The following DENND2B variants were observed in gnomAD, a reference collection of about 807,000 sequenced individuals.
The protein encoded by DENND2B is DENN domain containing 2B.
A neutral mutation model predicts 116.0 loss-of-function variants in DENND2B; 32 were observed. The observed-to-expected ratio is 0.28, with a 90% CI of 0.21 to 0.37. The LOEUF is 0.37. Ranked by LOEUF, DENND2B falls within the 10% of genes least tolerant of loss-of-function variation. The probability of loss-of-function intolerance (pLI) is 1.00; values close to 1 mark genes in which losing one functional copy is unlikely to be tolerated. For missense variants in DENND2B, 1,276 were observed against 1,477.7 expected, an observed-to-expected ratio of 0.86 and a Z score of 2.24; for synonymous variants, 588 against 583.9, an observed-to-expected ratio of 1.01 and a Z score of -0.10.
intron 13 of DENND2B, among the ~76,000 whole-genome samples, chr11:8,705,136 C>T (rs1478802489): frequency 6.6e-6 from 1 of 152,206 alleles, no homozygotes; most frequent in Non-Finnish European, 1.5e-5. Context: ...GTACTCTCTG[C>T]TAGCCCCTCC....
At chr11:8,719,627 AC>A (rs1297887869) in intron 4 of DENND2B, among the ~76,000 whole-genome samples, 1 of 151,988 alleles carries the variant, frequency 6.6e-6, no homozygotes, top group African/African-American at 2.4e-5. Context: ...TCTCCAGCCT[AC>A]CCCACTGTGG....
intron 3 of DENND2B, among the ~76,000 whole-genome samples, chr11:8,850,515 A>G (rs1405554664): frequency 6.6e-6 from 1 of 152,146 alleles, no homozygotes; most frequent in African/African-American, 2.4e-5. Flanking sequence ...CACCTATTAG[A>G]ATGGCTACCA....
intron 2 of DENND2B, among the ~76,000 whole-genome samples, chr11:8,859,905 C>T (rs965439660): frequency 1.3e-5 from 2 of 152,114 alleles, no homozygotes; most frequent in Non-Finnish European, 2.9e-5. Flanking sequence ...CTGGAAATTT[C>T]TCAAGCTGTA....
At position 8,708,897 on chromosome 11, in the gene DENND2B, G is replaced by A. The variant is rs370078505; in HGVS notation, c.2353-1043C>T. Among the ~76,000 whole-genome samples, 19 of 148,860 alleles carry A rather than the reference G, an allele frequency of 1.3e-4. 1 individual carries two copies. The highest frequency in any genetic ancestry group is 4.7e-4 in the African/African-American group (19 of 40,260). ...ACCCGGGAGGTGGAGGTTGCAGTGA[G>A]CCGAGATCACACCATTGTACTTCCA... On this transcript the variant is annotated intron_variant, in intron 11 of 19. Coordinates refer to ENST00000313726, the MANE Select transcript of DENND2B (RefSeq NM_213618.2).
intron 2 of DENND2B, among the ~76,000 whole-genome samples, chr11:8,880,345 C>CTCTGTGTGTGTGTG (rs2063889160): frequency 2.5e-5 from 3 of 120,552 alleles, no homozygotes; most frequent in African/African-American, 8.6e-5. Flanking sequence ...TCACTTTGAA[C>CTCTGTGTGTGTGTG]TGTGTGTGTG....
chr11:8,730,173 G>T lies in DENND2B; in HGVS notation c.1117C>A (p.Arg373=). The change falls in exon 3 of 20, where the codon CGG becomes AGG. Residue 373 remains arginine (R), a synonymous_variant. Transcript: ENST00000313726. The surrounding 1 kb of genome is among the most constrained non-coding windows in gnomAD (Gnocchi z 4.1). ...TCGAGGGAACTCTTCGATGGCAGCC[G>T]CTGGGAGCTAGGGCTATTTCCAGGG... The part of the protein sequence containing the change: ...GTPGNSPSSQ[R]LPSKSSLDPA... 1 of 1,614,102 alleles carries T rather than the reference G, an allele frequency of 6.2e-7. No individual in the cohort carries two copies.
rs543646353 is a variant in DENND2B at position 8,844,672 on chromosome 11, A to G, written c.-155-5322T>C. On this transcript the variant is annotated intron_variant, in intron 3 of 6. Coordinates refer to the DENND2B transcript ENST00000524757. ...ATATATATATTAGTATTATACATATATACATATAAATGCATAAATTTTTAA... is the reference window on the plus strand; with the variant it reads ...ATATATATATTAGTATTATACATATGTACATATAAATGCATAAATTTTTAA... Among the ~76,000 whole-genome samples, 11 of 152,196 alleles carry G rather than the reference A, an allele frequency of 7.2e-5. No individual in the cohort carries two copies. The East Asian group carries it at 1.9e-3, about 27-fold the overall frequency.
rs566397137 is a variant in DENND2B, at chr11:8,862,390, C to T, written c.-249-4954G>A. Among the ~76,000 whole-genome samples the T allele has an allele frequency of 1.7e-3, 241 of 140,570 alleles. 7 individuals carry two copies. Among genetic ancestry groups the T allele is most frequent in the Non-Finnish European group, 2.3e-4 (15 of 66,318 alleles). 92.2% of individuals were successfully genotyped at this position (140,570 alleles called of 152,430 possible). A position where few individuals can be genotyped will look rare whatever the true frequency, so the allele number is the denominator to read the frequency against. ...TGTCATCCAGGCTGGAGGTCAGTGC[C>T]ACAGTCTCGACTCACTGCAATCTCA... On this transcript the variant is annotated intron_variant, in intron 2 of 6. Transcript: ENST00000524757.
At chr11:8,813,964 T>C (rs1460534593), upstream of DENND2B, among the ~76,000 whole-genome samples, 1 of 152,172 alleles carries the variant, frequency 6.6e-6, no homozygotes, top group Non-Finnish European at 1.5e-5. Context: ...CAATCCTACC[T>C]GACCCTTCTG....
At chr11:8,855,751 T>A (rs907755228) in intron 3 of DENND2B, among the ~76,000 whole-genome samples, 2 of 152,118 alleles carry the variant, frequency 1.3e-5, no homozygotes, top group South Asian at 2.1e-4. Flanking sequence ...CCAAACTTAA[T>A]ACAAAGGAGC....
intron 1 of DENND2B, chr11:8,809,356 G>A (rs1178051713): frequency 6.6e-6 from 1 of 152,182 alleles, no homozygotes; most frequent in Non-Finnish European, 1.5e-5. Flanking sequence ...GAAAGTTCAA[G>A]AAGAAAAACT....
intron 1 of DENND2B, among the ~76,000 whole-genome samples, chr11:8,760,833 T>A (rs1423696681): frequency 6.6e-6 from 1 of 152,154 alleles, no homozygotes; most frequent in Non-Finnish European, 1.5e-5. Flanking sequence ...GGAACCAACA[T>A]TTGTTTTGCT....
chr11:8,901,229 CT>C (rs1555223231), intron 1 of DENND2B, among the ~76,000 whole-genome samples: 3 of 83,918 alleles, frequency 3.6e-5, no homozygotes, highest in African/African-American at 1.4e-4. Flanking sequence ...CTTTTCTTTT[CT>C]TTTTTTTTTT....
intron 2 of DENND2B, among the ~76,000 whole-genome samples, chr11:8,862,851 G>A (rs2063444370): frequency 1.3e-5 from 2 of 152,126 alleles, no homozygotes; most frequent in Admixed American, 1.3e-4. Context: ...CAGAAATAGT[G>A]ACAAATACAT....
chr11:8,776,181 CACACA>C (rs1565923919), intron 1 of DENND2B: 23 of 455,522 alleles, frequency 5.0e-5, no homozygotes, highest in Admixed American at 2.6e-4. Flanking sequence ...CACACACACA[CACACA>C]CCTACCTCTC....
chr11:8,869,053 C>A (rs1794419399), intron 2 of DENND2B, among the ~76,000 whole-genome samples: 1 of 152,206 alleles, frequency 6.6e-6, no homozygotes, highest in South Asian at 2.1e-4. Flanking sequence ...CCAGGCGATT[C>A]TTCTTCCAGT....
chr11:8,890,933 T>A (rs1284766559), intron 1 of DENND2B, among the ~76,000 whole-genome samples: 1 of 151,958 alleles, frequency 6.6e-6, no homozygotes, highest in Non-Finnish European at 1.5e-5. Context: ...CCAAGACACA[T>A]AATTGTCAGA....
intron 2 of DENND2B, among the ~76,000 whole-genome samples, chr11:8,743,927 G>A (rs937294925): frequency 6.0e-4 from 90 of 150,664 alleles, no homozygotes; most frequent in South Asian, 2.1e-4. Flanking sequence ...TTTTTTTGTA[G>A]AGATGGGGGC....
chr11:8,880,608 T>A (rs2063894159), intron 2 of DENND2B, among the ~76,000 whole-genome samples: 1 of 152,184 alleles, frequency 6.6e-6, no homozygotes, highest in Non-Finnish European at 1.5e-5. Context: ...TTGACAAGCC[T>A]TGAAGCAGGA....
Sources: gnomAD v4.1 joint callset for allele counts (sites outside exome capture counted in the v4.1 genomes callset) on GRCh38, gnomAD v4.1.1 for gene constraint, Gnocchi (gnomAD v3.1) non-coding constraint, MANE v1.5 for transcripts, NCBI Gene and HGNC (gene_info 2026-07-23, HGNC 2026-07-21) for gene names.